SYNPR: variants seen among roughly 807,000 people sequenced by gnomAD.
SYNPR encodes the protein synaptoporin.
Under a neutral mutation model 32.9 loss-of-function variants are expected in SYNPR, and 23 were observed. That is an observed-to-expected ratio of 0.70 (90% confidence interval 0.50 to 0.99). The LOEUF (loss-of-function observed/expected upper bound fraction) is 0.99, where lower values mean the gene tolerates loss of function less well. Among genes scored for constraint, SYNPR ranks in the 50% least tolerant of loss-of-function variants. The pLI is 0.00. For synonymous variants in SYNPR, 146 were observed against 135.9 expected (o/e 1.07, Z -0.52); for missense variants, 318 against 349.3 (o/e 0.91, Z 0.71).
intron 2 of SYNPR, among the ~76,000 whole-genome samples, chr3:63,301,233 G>T (rs1174561671): frequency 6.6e-6 from 1 of 152,080 alleles, no homozygotes; most frequent in Non-Finnish European, 1.5e-5. Context: ...AATGACTTTG[G>T]ATATTTAGAT....
chr3:63,291,912 T>C (rs2086743197), intron 2 of SYNPR, among the ~76,000 whole-genome samples: 1 of 152,124 alleles, frequency 6.6e-6, no homozygotes, highest in South Asian at 2.1e-4. Context: ...AAATGTATCA[T>C]TAGGTGATTT....
intron 2 of SYNPR, among the ~76,000 whole-genome samples, chr3:63,405,397 G>A (rs2088346063): frequency 6.6e-6 from 1 of 152,102 alleles, no homozygotes; most frequent in Admixed American, 6.6e-5. Context: ...CTGAGGTAAG[G>A]CAAGAGTGAA....
chr3:63,469,701 C>T lies in SYNPR; in HGVS notation c.85-11131C>T, dbSNP rs73848256. On this transcript the variant is annotated intron_variant, in intron 2 of 5. Transcript: ENST00000478300. ...GATGGAAGTTGCCCTTTTTAATCAA[C>T]GAATGATTGATGCTATACTTTAGCC... 2.7e-3 allele frequency among the ~76,000 whole-genome samples: 417 copies of T among 152,192 alleles called. 2 individuals carry two copies. The highest frequency in any genetic ancestry group is 9.6e-3 in the African/African-American group (397 of 41,538).
intron 2 of SYNPR, among the ~76,000 whole-genome samples, chr3:63,409,882 G>A (rs1024637984): frequency 2.0e-5 from 3 of 152,078 alleles, no homozygotes; most frequent in Non-Finnish European, 2.9e-5. Flanking sequence ...AGTGACAGAC[G>A]TCACATCAGC....
intron 2 of SYNPR, among the ~76,000 whole-genome samples, chr3:63,459,712 T>A (rs879805360): frequency 5.3e-5 from 8 of 152,124 alleles, no homozygotes; most frequent in African/African-American, 1.9e-4. Flanking sequence ...AAAAGCTATG[T>A]GATTCATCAA....
chr3:63,242,359 T>C (rs2086255453), intron 1 of SYNPR, among the ~76,000 whole-genome samples: 1 of 151,946 alleles, frequency 6.6e-6, no homozygotes. Flanking sequence ...AGAGCTGAGA[T>C]ACTTGCAACA....
chr3:63,613,572 G>A (rs922376842), intron 5 of SYNPR, among the ~76,000 whole-genome samples: 5 of 113,494 alleles, frequency 4.4e-5, no homozygotes, highest in Admixed American at 2.6e-4. Flanking sequence ...CAAGAACATC[G>A]TCTCACTGTT....
intron 4 of SYNPR, among the ~76,000 whole-genome samples, chr3:63,563,974 GAA>G (rs56364011): frequency 0.14 from 20,371 of 145,876 alleles, 1,461 homozygotes; most frequent in African/African-American, 0.15. Context: ...CTCAAATATG[GAA>G]AAAAAAAAAA....
chr3:63,467,928 G>A (rs1332477469), intron 2 of SYNPR, among the ~76,000 whole-genome samples: 1 of 151,994 alleles, frequency 6.6e-6, no homozygotes, highest in Non-Finnish European at 1.5e-5. Context: ...GGCTGGGCAC[G>A]GTGGCTCACA....
chr3:63,570,214 G>A (rs35419075), intron 4 of SYNPR, among the ~76,000 whole-genome samples: 20,879 of 152,102 alleles, frequency 0.14, 1,477 homozygotes, highest in African/African-American at 0.15. Context: ...GGAACAGGGC[G>A]GGTGAGGGGG....
At chr3:63,525,714 C>G (rs1701999614) in intron 3 of SYNPR, among the ~76,000 whole-genome samples, 1 of 152,190 alleles carries the variant, frequency 6.6e-6, no homozygotes, top group Non-Finnish European at 1.5e-5. Context: ...TTGAATCCTC[C>G]AGGTCTCTGG....
chr3:63,533,806 C>G (rs1702153000), intron 3 of SYNPR, among the ~76,000 whole-genome samples: 1 of 152,110 alleles, frequency 6.6e-6, no homozygotes, highest in South Asian at 2.1e-4. Context: ...TATGCCCATC[C>G]CTTGGCTATC....
chr3:63,468,234 G>C (rs1322956476), intron 2 of SYNPR, among the ~76,000 whole-genome samples: 1 of 150,276 alleles, frequency 6.7e-6, no homozygotes, highest in African/African-American at 2.4e-5. Flanking sequence ...TAATCAAAAC[G>C]AGTCCATGAA....
intron 1 of SYNPR, 42 bp downstream of exon 1, chr3:63,278,593 G>T: frequency 6.4e-7 from 1 of 1,550,814 alleles, no homozygotes; most frequent in Non-Finnish European, 8.7e-7. Context: ...GGAGCAGGGG[G>T]CGGGGGATGC....
chr3:63,383,479 G>C (rs1342280789), intron 2 of SYNPR, among the ~76,000 whole-genome samples: 1 of 152,012 alleles, frequency 6.6e-6, no homozygotes, highest in African/African-American at 2.4e-5. Context: ...CACTTTGGGA[G>C]GCCAAGGTGG....
intron 2 of SYNPR, among the ~76,000 whole-genome samples, chr3:63,287,870 A>T (rs1408173743): frequency 6.6e-6 from 1 of 152,168 alleles, no homozygotes; most frequent in East Asian, 1.9e-4. Context: ...CCACTGCATG[A>T]TAATGGTGGA....
chr3:63,601,181 G>A (rs1700035637), intron 4 of SYNPR, among the ~76,000 whole-genome samples: 1 of 152,024 alleles, frequency 6.6e-6, no homozygotes, highest in East Asian at 1.9e-4. Context: ...GCTGAGGGAG[G>A]AGAATCGCTT....
At chr3:63,509,193 A>G (rs1559521013) in intron 3 of SYNPR, among the ~76,000 whole-genome samples, 3 of 151,312 alleles carry the variant, frequency 2.0e-5, no homozygotes, top group South Asian at 4.2e-4. Flanking sequence ...GCTGAAAGTT[A>G]TATATATATG....
chr3:63,453,651 G>A (rs1349220590), intron 2 of SYNPR, among the ~76,000 whole-genome samples: 1 of 152,082 alleles, frequency 6.6e-6, no homozygotes, highest in Non-Finnish European at 1.5e-5. Flanking sequence ...AACTGACACT[G>A]GAATGGGTAC....
Sources: allele counts gnomAD v4.1 joint callset (sites outside exome capture counted in the v4.1 genomes callset), GRCh38; gene constraint gnomAD v4.1.1; transcripts MANE v1.5; gene names NCBI Gene and HGNC (gene_info 2026-07-23, HGNC 2026-07-21).